MTUS2: variants seen among roughly 807,000 people sequenced by gnomAD.
MTUS2 encodes the protein microtubule-associated tumor suppressor candidate 2.
Under a neutral mutation model 114.1 loss-of-function variants are expected in MTUS2, and 40 were observed. The observed-to-expected ratio is 0.35, with a 90% confidence interval of 0.27 to 0.46. MTUS2 has a LOEUF of 0.46. MTUS2 is among the 20% of genes least tolerant of loss of function. The pLI is 1.00. For missense variants in MTUS2, 1,679 were observed against 1,705.4 expected, an observed-to-expected ratio of 0.98 and a Z score of 0.27; for synonymous variants, 688 against 672.0, an observed-to-expected ratio of 1.02 and a Z score of -0.37.
intron 2 of MTUS2, among the ~76,000 whole-genome samples, chr13:28,959,701 A>C (rs781252481): frequency 2.0e-5 from 3 of 152,140 alleles, no homozygotes; most frequent in Non-Finnish European, 4.4e-5. Flanking sequence ...GAACTCATAG[A>C]GTGAGAACCC....
chr13:29,382,711 A>G (rs1029168550), intron 8 of MTUS2, among the ~76,000 whole-genome samples: 1 of 152,234 alleles, frequency 6.6e-6, no homozygotes, highest in African/African-American at 2.4e-5. Context: ...GTGAGCCTTC[A>G]TATGCTGGGT....
chr13:28,824,848 T>TAA (rs1228077124), intron 1 of MTUS2, among the ~76,000 whole-genome samples: 2 of 152,204 alleles, frequency 1.3e-5, no homozygotes, highest in African/African-American at 4.8e-5. Context: ...CAGGTATGGA[T>TAA]ACTGCTATGG....
chr13:29,156,130 AT>A (rs1348785738), intron 5 of MTUS2, among the ~76,000 whole-genome samples: 1 of 152,128 alleles, frequency 6.6e-6, no homozygotes, highest in Non-Finnish European at 1.5e-5. Context: ...ACTGTTAATT[AT>A]TTAGGGTGCT....
At chr13:28,864,550 C>G (rs1460705734) in intron 2 of MTUS2, among the ~76,000 whole-genome samples, 1 of 152,096 alleles carries the variant, frequency 6.6e-6, no homozygotes, top group Non-Finnish European at 1.5e-5. Context: ...AGCTGAAGAC[C>G]ATGAATTTAA....
chr13:29,409,822 A>G (rs940452962), intron 8 of MTUS2, among the ~76,000 whole-genome samples: 2 of 149,694 alleles, frequency 1.3e-5, no homozygotes, highest in Non-Finnish European at 3.0e-5. Flanking sequence ...TAACAACCAT[A>G]GTACTCCATT....
intron 2 of MTUS2, among the ~76,000 whole-genome samples, chr13:28,916,681 G>T (rs1593297823): frequency 1.3e-5 from 2 of 151,308 alleles, no homozygotes; most frequent in African/African-American, 4.8e-5. Context: ...GCGTCTTTAG[G>T]TTTTTTTCAA....
At chr13:29,358,138 G>A (rs1465639710) in intron 7 of MTUS2, among the ~76,000 whole-genome samples, 2 of 152,168 alleles carry the variant, frequency 1.3e-5, no homozygotes, top group Non-Finnish European at 2.9e-5. Flanking sequence ...ATCTACTAGA[G>A]TGAAGGAAAG....
At chr13:29,320,351 A>C (rs1900202491) in intron 6 of MTUS2, among the ~76,000 whole-genome samples, 1 of 152,336 alleles carries the variant, frequency 6.6e-6, no homozygotes, top group Admixed American at 6.5e-5. Context: ...CAGCCCAGTG[A>C]GCCTGATTTC....
At chr13:28,884,029 A>G (rs1878445392) in intron 2 of MTUS2, among the ~76,000 whole-genome samples, 2 of 152,174 alleles carry the variant, frequency 1.3e-5, no homozygotes, top group African/African-American at 2.4e-5. Flanking sequence ...TAGCAGTTTC[A>G]CTTCTGGATA....
At chr13:28,848,673 T>C (rs1269160861) in intron 2 of MTUS2, among the ~76,000 whole-genome samples, 3 of 152,126 alleles carry the variant, frequency 2.0e-5, no homozygotes, top group Non-Finnish European at 4.4e-5. Flanking sequence ...TATCACTTTA[T>C]AATAATAATT....
chr13:29,469,828 A>G (rs1270395324), intron 9 of MTUS2, among the ~76,000 whole-genome samples: 3 of 151,592 alleles, frequency 2.0e-5, no homozygotes, highest in Non-Finnish European at 2.9e-5. Context: ...AATAAAAATA[A>G]ATAAAATTTA....
At chr13:29,476,734 C>T (rs555247675) in intron 9 of MTUS2, 10 of 152,300 alleles carry the variant, frequency 6.6e-5, no homozygotes, top group Admixed American at 1.3e-4. Flanking sequence ...GATATCTTTT[C>T]CCTCCAAGGC....
chr13:29,291,559 A>G (rs1898715460), intron 6 of MTUS2, among the ~76,000 whole-genome samples: 1 of 152,048 alleles, frequency 6.6e-6, no homozygotes, highest in South Asian at 2.1e-4. Flanking sequence ...GTGTCCAGCA[A>G]CCCCTGGTGG....
Position 29,026,529 on chromosome 13 carries a change from T to G in MTUS2, c.1831T>G (p.Ser611Ala), listed in dbSNP as rs1451891172. ...CACACATTCCAAGGACACACCTTCCTCGCAGGAGGGAATGGAGAACTATCA... is the reference window on the plus strand; with the variant it reads ...CACACATTCCAAGGACACACCTTCCGCGCAGGAGGGAATGGAGAACTATCA... ...VFTHSKDTPS[S>A]QEGMENYQVE... The change falls in exon 3 of 16, where the codon TCG becomes GCG. Residue 611 changes from serine (S) to alanine (A), a missense_variant. Physicochemically the swap from Ser to Ala is moderately conservative, Grantham distance 99. Around this residue, in one of 3 missense-constraint regions of MTUS2, gnomAD observed 843 missense variants for 770.8 expected, o/e 1.09. Coordinates refer to ENST00000612955, the MANE Select transcript of MTUS2 (RefSeq NM_001033602.4). 6.2e-7 allele frequency: 1 copy of G among 1,613,772 alleles called. No individual in the cohort carries two copies.
chr13:29,163,880 A>G (rs528151755), intron 5 of MTUS2, among the ~76,000 whole-genome samples: 1 of 152,244 alleles, frequency 6.6e-6, no homozygotes, highest in Non-Finnish European at 1.5e-5. Flanking sequence ...ATGTCTTCCT[A>G]CACTCCAGAA....
chr13:29,394,331 C>T (rs1483255977), intron 8 of MTUS2, among the ~76,000 whole-genome samples: 1 of 151,836 alleles, frequency 6.6e-6, no homozygotes, highest in African/African-American at 2.4e-5. Context: ...TTGGTTTGGT[C>T]CAGAAAGGTG....
chr13:29,475,054 C>T (rs1296733135), intron 9 of MTUS2, among the ~76,000 whole-genome samples: 2 of 152,108 alleles, frequency 1.3e-5, no homozygotes, highest in East Asian at 1.9e-4. Context: ...TTTATGTGCT[C>T]AATGTATCTC....
chr13:28,908,889 G>A (rs1394813429), intron 2 of MTUS2, among the ~76,000 whole-genome samples: 1 of 151,662 alleles, frequency 6.6e-6, no homozygotes, highest in Non-Finnish European at 1.5e-5. Flanking sequence ...AAGGGACCCA[G>A]TTTCAGCTTT....
intron 5 of MTUS2, among the ~76,000 whole-genome samples, chr13:29,257,936 G>A (rs765345067): frequency 3.9e-5 from 6 of 152,170 alleles, no homozygotes; most frequent in Non-Finnish European, 7.4e-5. Flanking sequence ...GCAGGTTGAG[G>A]GCTCACAGTC....
Sources: allele counts gnomAD v4.1 joint callset (sites outside exome capture counted in the v4.1 genomes callset), GRCh38; gene constraint gnomAD v4.1.1; regional missense constraint gnomAD v4.1.1; transcripts MANE v1.5; gene names NCBI Gene and HGNC (gene_info 2026-07-23, HGNC 2026-07-21).